The following ATP8B1 variants were observed in gnomAD, a reference collection of about 807,000 sequenced individuals.
The protein encoded by ATP8B1 is ATPase phospholipid transporting 8B1.
Under a neutral mutation model 149.9 loss-of-function variants are expected in ATP8B1, and 80 were observed. That is an observed-to-expected ratio of 0.53 (90% CI 0.45 to 0.64). ATP8B1 has a LOEUF of 0.64. Ranked by LOEUF, ATP8B1 falls within the 30% of genes least tolerant of loss-of-function variation. The probability of loss-of-function intolerance (pLI) is 0.00; values close to 1 mark genes in which losing one functional copy is unlikely to be tolerated. For synonymous variants in ATP8B1, 536 were observed against 562.8 expected (o/e 0.95, Z 0.67); for missense variants, 1,247 against 1,552.6 (o/e 0.80, Z 3.31).
intron 1 of ATP8B1, among the ~76,000 whole-genome samples, chr18:57,792,691 T>G (rs754371406): frequency 2.6e-4 from 39 of 152,202 alleles, no homozygotes; most frequent in Non-Finnish European, 5.9e-5. Context: ...TGCACAGCTA[T>G]GTAAATATAC....
Position 57,784,592 on chromosome 18 carries a change from G to C in ATP8B1, c.-26+18406C>G, listed in dbSNP as rs2080389560. ...AGCCAGAAGGCTTAAGCACCAGCTA[G>C]AGGGGTATCATCTTCTCAACTGATG... On this transcript the variant is annotated intron_variant, in intron 1 of 27. Coordinates refer to ENST00000648908, the MANE Select transcript of ATP8B1 (RefSeq NM_001374385.1). This position sits in a 1 kb window ranked among gnomAD's most constrained non-coding sequence, Gnocchi z 4.4. 6.6e-6 allele frequency among the ~76,000 whole-genome samples: 1 copy of C among 152,174 alleles called. No individual in the cohort carries two copies. Among genetic ancestry groups the C allele is most frequent in the Non-Finnish European group, 1.5e-5 (1 of 68,028 alleles).
rs905594675 is a variant in ATP8B1, at chr18:57,699,273, A to G, written c.555-1406T>C. 3.9e-5 allele frequency among the ~76,000 whole-genome samples: 6 copies of G among 152,216 alleles called. No individual in the cohort carries two copies. The East Asian group carries it at 1.2e-3, about 29-fold the overall frequency. On this transcript the variant is annotated intron_variant, in intron 6 of 27. Transcript: ENST00000648908. ...TTTAGATGGCTTTTTTTCCTTTGCA[A>G]ATAAGAAAATTATGTTCCAAAGTTA...
chr18:57,765,265 G>A (rs181579323), intron 1 of ATP8B1, among the ~76,000 whole-genome samples: 36 of 152,318 alleles, frequency 2.4e-4, no homozygotes, highest in African/African-American at 7.9e-4. Context: ...GGGAGGAAGG[G>A]GAGTTGTTTA....
chr18:57,732,289 GTATATATATGTGTA>G (rs2079789244), intron 1 of ATP8B1, among the ~76,000 whole-genome samples: 1 of 9,582 alleles, frequency 1.0e-4, no homozygotes, highest in East Asian at 9.3e-3. Flanking sequence ...GTGTATATAT[GTATATATATGTGTA>G]TATATGTGTG....
At chr18:57,673,656 T>C (rs573651324) in intron 16 of ATP8B1, among the ~76,000 whole-genome samples, 93 of 148,854 alleles carry the variant, frequency 6.2e-4, no homozygotes, top group Non-Finnish European at 6.1e-4. Flanking sequence ...ATAATGAAAT[T>C]ACATATATAT....
At position 57,661,165 on chromosome 18, in the gene ATP8B1, A is replaced by C. The variant is rs758888388; in HGVS notation, c.2707+9T>G. The C allele has an allele frequency of 4.3e-6, 7 of 1,613,112 alleles. No individual in the cohort carries two copies. The highest frequency in any genetic ancestry group is 5.9e-6 in the Non-Finnish European group (7 of 1,180,014). ...GTTGGGCCTCACTGGCCGTGGGTGC[A>C]TGACTCACTTTTGATCATGTTCACG... On this transcript the variant is annotated intron_variant, in intron 22 of 27. Transcript: ENST00000648908.
chr18:57,706,648 T>C (rs1913412811), intron 2 of ATP8B1, 61 bp from the exon 3 acceptor site: 2 of 1,339,884 alleles, frequency 1.5e-6, no homozygotes, highest in African/African-American at 2.9e-5. Context: ...ATGAGTTGAA[T>C]TGTGTCTTCC....
At chr18:57,649,229 T>C (rs956446923) in intron 27 of ATP8B1, among the ~76,000 whole-genome samples, 8 of 152,006 alleles carry the variant, frequency 5.3e-5, no homozygotes, top group African/African-American at 1.9e-4. Flanking sequence ...TATATCGACA[T>C]ATATATATGA....
rs185370224 is a variant in ATP8B1 at position 57,729,343 on chromosome 18, G to A, written c.181+2284C>T. On this transcript the variant is annotated intron_variant, in intron 2 of 27. Coordinates refer to ENST00000648908, the MANE Select transcript of ATP8B1 (RefSeq NM_001374385.1). The stretch of plus-strand genomic sequence containing the variant: ...TACATTTGGTAGAGATTCCAAAATT[G>A]TGATAGGAGACTAAGCAGTGCAATT... Among the ~76,000 whole-genome samples the A allele has an allele frequency of 2.0e-5, 3 of 152,216 alleles. No individual in the cohort carries two copies. In the East Asian group the frequency reaches 5.8e-4, roughly 29 times the overall value.
chr18:57,711,463 C>G (rs913306390), intron 2 of ATP8B1, among the ~76,000 whole-genome samples: 2 of 152,214 alleles, frequency 1.3e-5, no homozygotes, highest in Non-Finnish European at 2.9e-5. Context: ...TATATGTACA[C>G]ACACGTGCAC....
intron 1 of ATP8B1, chr18:57,755,469 A>T (rs1366009624): frequency 6.6e-6 from 1 of 152,244 alleles, no homozygotes; most frequent in Non-Finnish European, 1.5e-5. Context: ...CACAAGGATG[A>T]CACACAAATT....
At chr18:57,748,319 G>A (rs2079984287) in intron 1 of ATP8B1, among the ~76,000 whole-genome samples, 1 of 152,164 alleles carries the variant, frequency 6.6e-6, no homozygotes, top group African/African-American at 2.4e-5. Flanking sequence ...CATATAAGGG[G>A]TAACCAGAAT....
chr18:57,752,036 T>C (rs1309331238), intron 1 of ATP8B1, among the ~76,000 whole-genome samples: 1 of 151,600 alleles, frequency 6.6e-6, no homozygotes, highest in Non-Finnish European at 1.5e-5. Flanking sequence ...CGAAACCCTA[T>C]CTCTACAAAA....
At chr18:57,765,369 G>A (rs2080200740) in intron 1 of ATP8B1, among the ~76,000 whole-genome samples, 1 of 152,154 alleles carries the variant, frequency 6.6e-6, no homozygotes, top group African/African-American at 2.4e-5. Context: ...ACACTGAAGT[G>A]TATAATTAAA....
chr18:57,701,096 C>G lies in ATP8B1; in HGVS notation c.497G>C (p.Arg166Pro). Residue 166 changes from arginine (R) to proline (P), a missense_variant, in exon 6 of 28, where the codon CGC becomes CCC. By Grantham distance (103) the Arg-to-Pro change is moderately radical. This residue lies in a region of ATP8B1 where 853 missense variants were observed against 1,035.7 expected (regional missense o/e 0.82). Coordinates refer to ENST00000648908, the MANE Select transcript of ATP8B1 (RefSeq NM_001374385.1). ...GTTGATTTCCTTATCCATTTTATGG[C>G]GAGCCTTGAGAAGGAAGATGGGGAA... ...AIKDLVDDVARHKMDKEINNR... is the reference protein window; with the variant it reads ...AIKDLVDDVAPHKMDKEINNR... 6.2e-7 allele frequency: 1 copy of G among 1,614,070 alleles called. No homozygotes were observed. Among genetic ancestry groups the G allele is most frequent in the Non-Finnish European group, 8.5e-7 (1 of 1,179,978 alleles).
chr18:57,783,655 G>C (rs2080378186), intron 1 of ATP8B1, among the ~76,000 whole-genome samples: 1 of 152,102 alleles, frequency 6.6e-6, no homozygotes, highest in Non-Finnish European at 1.5e-5. Flanking sequence ...GGCCAACATA[G>C]TGAAACCCTA....
At chr18:57,728,721 A>AT (rs34072920) in intron 2 of ATP8B1, among the ~76,000 whole-genome samples, 89,488 of 138,276 alleles carry the variant, frequency 0.65, 29,025 homozygotes, top group Middle Eastern at 0.72. Flanking sequence ...AAGACTGAGC[A>AT]TTTTTTTTTT....
At chr18:57,674,031 T>C (rs1911424585) in intron 16 of ATP8B1, among the ~76,000 whole-genome samples, 1 of 152,022 alleles carries the variant, frequency 6.6e-6, no homozygotes. Flanking sequence ...AAAAGACTGC[T>C]ACAAATGTCT....
At chr18:57,774,003 C>T (rs1454259924) in intron 1 of ATP8B1, among the ~76,000 whole-genome samples, 1 of 152,196 alleles carries the variant, frequency 6.6e-6, no homozygotes, top group Non-Finnish European at 1.5e-5. Context: ...GCTCGAAACT[C>T]TGCAGTGGGT....
Sources: allele counts gnomAD v4.1 joint callset (sites outside exome capture counted in the v4.1 genomes callset), GRCh38; gene constraint gnomAD v4.1.1; regional missense constraint gnomAD v4.1.1; non-coding constraint Gnocchi (gnomAD v3.1); transcripts MANE v1.5; gene names NCBI Gene and HGNC (gene_info 2026-07-23, HGNC 2026-07-21).